The following CNTNAP2 variants were observed in gnomAD, a reference collection of about 807,000 sequenced individuals.
CNTNAP2 encodes contactin associated protein 2.
In CNTNAP2, 98 loss-of-function variants were observed where a neutral mutation model predicts 155.2. That is an observed-to-expected ratio of 0.63 (90% confidence interval 0.54 to 0.75). The LOEUF (loss-of-function observed/expected upper bound fraction) is 0.75. CNTNAP2 is among the 30% of genes least tolerant of loss of function. The pLI, the probability that CNTNAP2 is intolerant of heterozygous loss-of-function variation, is 0.00. For missense variants in CNTNAP2, 1,727 were observed against 1,688.1 expected, an observed-to-expected ratio of 1.02 and a Z score of -0.40; for synonymous variants, 651 against 631.2, an observed-to-expected ratio of 1.03 and a Z score of -0.47.
chr7:146,947,520 T>C (rs557003901), intron 3 of CNTNAP2, among the ~76,000 whole-genome samples: 19 of 136,046 alleles, frequency 1.4e-4, no homozygotes, highest in African/African-American at 5.0e-4. Flanking sequence ...ATATATAGTG[T>C]GTATGTATGT....
At chr7:147,901,380 G>A (rs1225574575) in intron 13 of CNTNAP2, among the ~76,000 whole-genome samples, 7 of 152,224 alleles carry the variant, frequency 4.6e-5, no homozygotes, top group Admixed American at 1.3e-4. Context: ...TAAATTGGGG[G>A]AAGATAAACA....
In CNTNAP2 at chr7:147,178,003, G is replaced by C. The variant is rs1584774292; in HGVS notation, c.1348+45494G>C. 6.6e-5 allele frequency among the ~76,000 whole-genome samples: 10 copies of C among 152,106 alleles called. No individual in the cohort carries two copies. In the South Asian group the frequency reaches 1.7e-3, roughly 25 times the overall value. ...CATGCAGAGAATCCACTAATTTCTA[G>C]CTTACCCCTCAACTCTATCTGTGGA... On this transcript the variant is annotated intron_variant, in intron 8 of 23. Coordinates refer to ENST00000361727, the MANE Select transcript of CNTNAP2 (RefSeq NM_014141.6).
chr7:147,630,612 A>G (rs1795070596), intron 12 of CNTNAP2, among the ~76,000 whole-genome samples: 1 of 152,184 alleles, frequency 6.6e-6, no homozygotes, highest in Non-Finnish European at 1.5e-5. Flanking sequence ...GCATATCAAA[A>G]AGATAATACA....
chr7:147,869,103 G>A (rs1381600646), intron 13 of CNTNAP2, among the ~76,000 whole-genome samples: 1 of 152,200 alleles, frequency 6.6e-6, no homozygotes, highest in Non-Finnish European at 1.5e-5. Context: ...GGCCGTCTTG[G>A]AATGGAGCTC....
intron 12 of CNTNAP2, among the ~76,000 whole-genome samples, chr7:147,637,300 G>A (rs185327382): frequency 2.0e-5 from 3 of 152,126 alleles, no homozygotes; most frequent in African/African-American, 7.2e-5. Flanking sequence ...TAGTAGTGGT[G>A]GTGGGTTGGC....
chr7:146,676,655 G>C (rs1800403476), intron 1 of CNTNAP2, among the ~76,000 whole-genome samples: 1 of 152,032 alleles, frequency 6.6e-6, no homozygotes, highest in African/African-American at 2.4e-5. Flanking sequence ...AGATTTAATG[G>C]ACTCTCAGTT....
intron 1 of CNTNAP2, among the ~76,000 whole-genome samples, chr7:146,719,916 A>C (rs1033851250): frequency 2.0e-5 from 3 of 152,174 alleles, no homozygotes; most frequent in Non-Finnish European, 2.9e-5. Flanking sequence ...GCTGGCTTAC[A>C]TTGCAGAAAG....
At position 147,425,108 on chromosome 7, in the gene CNTNAP2, G is replaced by A. The variant is rs138804652; in HGVS notation, c.1670+29328G>A. Among the ~76,000 whole-genome samples, 112 of 150,630 alleles carry A rather than the reference G, an allele frequency of 7.4e-4. No individual in the cohort carries two copies. In the East Asian group the frequency reaches 0.018, roughly 24 times the overall value. ...TGTTTTCATCCCCATCCCATTCAAT[G>A]TAAAAGCCAAAGGTTTTGCAAGTGG... On this transcript the variant is annotated intron_variant, in intron 10 of 23. Coordinates refer to ENST00000361727, the MANE Select transcript of CNTNAP2 (RefSeq NM_014141.6).
chr7:146,434,925 G>A (rs1418604928), intron 1 of CNTNAP2, among the ~76,000 whole-genome samples: 1 of 152,132 alleles, frequency 6.6e-6, no homozygotes, highest in East Asian at 1.9e-4. Context: ...GCAGGGCTTT[G>A]TGATACACAA....
intron 9 of CNTNAP2, among the ~76,000 whole-genome samples, chr7:147,324,036 T>A (rs2692143): frequency 0.49 from 74,005 of 150,744 alleles, 19,297 homozygotes; most frequent in East Asian, 0.73. Flanking sequence ...GCAGAACTAT[T>A]AGGAAAAAAA....
intron 13 of CNTNAP2, among the ~76,000 whole-genome samples, chr7:147,726,602 G>A (rs1017723058): frequency 6.6e-6 from 1 of 152,014 alleles, no homozygotes; most frequent in African/African-American, 2.4e-5. Flanking sequence ...AGAAGGTTGA[G>A]AACGTCTTTG....
intron 1 of CNTNAP2, among the ~76,000 whole-genome samples, chr7:146,325,087 A>T: frequency 6.6e-6 from 1 of 151,942 alleles, no homozygotes; most frequent in East Asian, 1.9e-4. Context: ...GGTGCACACT[A>T]CTACCAATTT....
At chr7:146,738,213 T>A (rs912199720) in intron 1 of CNTNAP2, among the ~76,000 whole-genome samples, 1 of 152,036 alleles carries the variant, frequency 6.6e-6, no homozygotes, top group Non-Finnish European at 1.5e-5. Flanking sequence ...TTCTAACAGG[T>A]ATAAGGTGAT....
At chr7:147,082,812 T>C (rs888489595) in intron 4 of CNTNAP2, 7 of 152,204 alleles carry the variant, frequency 4.6e-5, no homozygotes, top group Admixed American at 2.6e-4. Flanking sequence ...CAGGAATTAG[T>C]TGACCCACTG....
intron 1 of CNTNAP2, among the ~76,000 whole-genome samples, chr7:146,601,687 C>T (rs375524074): frequency 1.3e-4 from 20 of 151,960 alleles, no homozygotes; most frequent in African/African-American, 4.8e-4. Context: ...CATGGGAGAG[C>T]TAGCTCTATA....
intron 1 of CNTNAP2, among the ~76,000 whole-genome samples, chr7:146,282,392 T>G (rs1046698010): frequency 6.6e-6 from 1 of 152,182 alleles, no homozygotes; most frequent in Non-Finnish European, 1.5e-5. Context: ...CTGTCTCTCC[T>G]CCTGGTATGA....
In CNTNAP2 at chr7:148,282,546, C is replaced by T. The variant is rs142684228; in HGVS notation, c.3475+15420C>T. The stretch of plus-strand genomic sequence containing the variant: ...CCTGGCACACAGTGAGTGTCCAGTA[C>T]GTCTTAGGCAGTATCATTACATCTA... On this transcript the variant is annotated intron_variant, in intron 21 of 23. Coordinates refer to ENST00000361727, the MANE Select transcript of CNTNAP2 (RefSeq NM_014141.6). 3.6e-3 allele frequency among the ~76,000 whole-genome samples: 544 copies of T among 152,258 alleles called. 5 individuals carry two copies. The highest frequency in any genetic ancestry group is 0.012 in the African/African-American group (510 of 41,544).
chr7:146,693,959 C>T (rs1313495555), intron 1 of CNTNAP2, among the ~76,000 whole-genome samples: 1 of 151,378 alleles, frequency 6.6e-6, no homozygotes, highest in Non-Finnish European at 1.5e-5. Context: ...TTGTTCAGCT[C>T]CTAATTTTAA....
intron 8 of CNTNAP2, among the ~76,000 whole-genome samples, chr7:147,171,194 T>A (rs1003591126): frequency 2.4e-4 from 36 of 152,180 alleles, no homozygotes; most frequent in African/African-American, 8.2e-4. Flanking sequence ...CAGGAGCCAT[T>A]TGAGGCCCGG....
Sources: gnomAD v4.1 joint callset for allele counts (sites outside exome capture counted in the v4.1 genomes callset) on GRCh38, gnomAD v4.1.1 for gene constraint, MANE v1.5 for transcripts, NCBI Gene and HGNC (gene_info 2026-07-23, HGNC 2026-07-21) for gene names.